The following KDM7A variants were observed in gnomAD, a reference collection of about 807,000 sequenced individuals.
KDM7A encodes the protein lysine demethylase 7A, also known as lysine-specific demethylase 7A.
KDM7A carries 28 observed loss-of-function variants against 114.8 expected under a neutral mutation model. That is an observed-to-expected ratio of 0.24 (90% CI 0.18 to 0.33). KDM7A has a LOEUF of 0.33. Ranked by LOEUF, KDM7A falls within the 10% of genes least tolerant of loss-of-function variation. The probability of loss-of-function intolerance (pLI) is 1.00; values close to 1 mark genes in which losing one functional copy is unlikely to be tolerated. For missense variants in KDM7A, 942 were observed against 1,142.5 expected (o/e 0.82, Z 2.53); for synonymous variants, 423 against 397.8 (o/e 1.06, Z -0.75).
chr7:140,121,595 G>C (rs1444031745), intron 7 of KDM7A, among the ~76,000 whole-genome samples: 1 of 152,178 alleles, frequency 6.6e-6, no homozygotes, highest in Non-Finnish European at 1.5e-5. Flanking sequence ...ACGTTTAGGG[G>C]CTTTTCTGAT....
At chr7:140,100,045 T>G (rs1024712909) in intron 12 of KDM7A, 22 bp from the exon 13 acceptor site, 4 of 1,613,520 alleles carry the variant, frequency 2.5e-6, no homozygotes, top group African/African-American at 2.7e-5. Context: ...AATGCAGAAC[T>G]TACTTACCAT....
chr7:140,144,714 C>T (rs914254251), intron 1 of KDM7A, among the ~76,000 whole-genome samples: 1 of 150,682 alleles, frequency 6.6e-6, no homozygotes, highest in Non-Finnish European at 1.5e-5. Flanking sequence ...CCACCATACA[C>T]ACACACACAC....
At chr7:140,140,120 T>C (rs759338978) in intron 1 of KDM7A, among the ~76,000 whole-genome samples, 1 of 152,142 alleles carries the variant, frequency 6.6e-6, no homozygotes, top group Non-Finnish European at 1.5e-5. Flanking sequence ...AAGGATTTGC[T>C]CCCTAACTCA....
chr7:140,111,223 T>C, intron 10 of KDM7A, 39 bp from the exon 11 acceptor site: 1 of 1,341,732 alleles, frequency 7.5e-7, no homozygotes, highest in African/African-American at 1.4e-5. Flanking sequence ...ACCAAAGTTA[T>C]TTACACTTTA....
chr7:140,139,754 T>C (rs1038302484), intron 1 of KDM7A, among the ~76,000 whole-genome samples: 4 of 152,150 alleles, frequency 2.6e-5, no homozygotes, highest in African/African-American at 7.2e-5. Flanking sequence ...TAATACAGCA[T>C]TGAAGACAAA....
At chr7:140,143,916 A>T (rs765951663) in intron 1 of KDM7A, among the ~76,000 whole-genome samples, 14 of 152,254 alleles carry the variant, frequency 9.2e-5, no homozygotes, top group Non-Finnish European at 2.1e-4. Context: ...GAATATGCTA[A>T]TTGTTTAAAA....
At chr7:140,140,196 T>A (rs1794249277) in intron 1 of KDM7A, among the ~76,000 whole-genome samples, 1 of 152,134 alleles carries the variant, frequency 6.6e-6, no homozygotes, top group South Asian at 2.1e-4. Context: ...CATTTATGAG[T>A]AAAGATGCAA....
intron 1 of KDM7A, among the ~76,000 whole-genome samples, chr7:140,148,141 T>G (rs536213731): frequency 6.6e-6 from 1 of 152,150 alleles, no homozygotes; most frequent in South Asian, 2.1e-4. Context: ...ACTAGGCTTT[T>G]ATGATTGGGC....
intron 1 of KDM7A, among the ~76,000 whole-genome samples, chr7:140,148,904 A>G (rs1562957975): frequency 6.6e-6 from 1 of 152,204 alleles, no homozygotes; most frequent in Non-Finnish European, 1.5e-5. Context: ...GACACATTAA[A>G]GCTGTTTAGT....
intron 1 of KDM7A, among the ~76,000 whole-genome samples, chr7:140,141,890 T>C (rs1175520747): frequency 1.3e-5 from 2 of 150,100 alleles, no homozygotes; most frequent in Non-Finnish European, 3.0e-5. Flanking sequence ...TGAGACTCTG[T>C]CTCAAAAAAA....
chr7:140,157,320 G>A (rs1228933930), intron 1 of KDM7A, among the ~76,000 whole-genome samples: 2 of 152,158 alleles, frequency 1.3e-5, no homozygotes, highest in African/African-American at 4.8e-5. Flanking sequence ...ACTATGGTAG[G>A]CTCAGCTACC....
chr7:140,140,473 C>G (rs997811203), intron 1 of KDM7A, among the ~76,000 whole-genome samples: 4 of 152,120 alleles, frequency 2.6e-5, no homozygotes, highest in Non-Finnish European at 4.4e-5. Context: ...AAACCAGTCA[C>G]TCTGAGATTA....
chr7:140,098,779 T>C, intron 14 of KDM7A, 100 bp downstream of exon 14: 8 of 1,029,430 alleles, frequency 7.8e-6, no homozygotes, highest in Non-Finnish European at 1.2e-5. Context: ...AAAAGTTTTC[T>C]GCTATTTTAA....
At chr7:140,125,974 A>C (rs1818695650) in intron 6 of KDM7A, among the ~76,000 whole-genome samples, 1 of 147,968 alleles carries the variant, frequency 6.8e-6, no homozygotes, top group Non-Finnish European at 1.5e-5. Context: ...GTGCAATCAC[A>C]GCACACTGTA....
Position 140,096,884 on chromosome 7 carries a change from T to TA in KDM7A, c.2165+14dup. On this transcript the variant is annotated intron_variant, in intron 16 of 19. Transcript: ENST00000397560. ...CTTACAATATAATAAGACTTACTACTATCAGCAAGCCTACCTTTTAATTGG... is the reference window on the plus strand; with the variant it reads ...CTTACAATATAATAAGACTTACTACTAATCAGCAAGCCTACCTTTTAATTGG... 2 of 1,612,240 alleles carry TA rather than the reference T, an allele frequency of 1.2e-6. No homozygotes were observed. Among genetic ancestry groups the TA allele is most frequent in the Non-Finnish European group, 1.7e-6 (2 of 1,178,808 alleles).
At chr7:140,118,934 C>A (rs1818575082) in intron 9 of KDM7A, among the ~76,000 whole-genome samples, 179 bp downstream of exon 9, 1 of 152,084 alleles carries the variant, frequency 6.6e-6, no homozygotes, top group Admixed American at 6.6e-5. Flanking sequence ...AGGTTATGGA[C>A]TAAAGACTCT....
intron 12 of KDM7A, 30 bp from the exon 13 acceptor site, chr7:140,100,053 C>CGGTA (rs763646147): frequency 6.2e-7 from 1 of 1,612,848 alleles, no homozygotes; most frequent in South Asian, 1.1e-5. Flanking sequence ...ACTTACTTAC[C>CGGTA]ATCCACCCTC....
chr7:140,114,640 T>C (rs539487258), intron 9 of KDM7A, among the ~76,000 whole-genome samples: 2 of 151,322 alleles, frequency 1.3e-5, no homozygotes, highest in South Asian at 4.2e-4. Context: ...TCATCTGGGA[T>C]GTGAGGAGCC....
rs544039958 is a variant in KDM7A at position 140,156,608 on chromosome 7, G to A, written c.195-17418C>T. 7.9e-5 allele frequency among the ~76,000 whole-genome samples: 12 copies of A among 152,268 alleles called. 1 individual carries two copies. In the East Asian group the frequency reaches 2.1e-3, roughly 27 times the overall value. Reference sequence around the variant, plus strand: ...ACTAAGTATAAGGGGCTTCAGAAAGGTCCCACCCAAAGGGAGAGAGGAAGC... The same window carrying A: ...ACTAAGTATAAGGGGCTTCAGAAAGATCCCACCCAAAGGGAGAGAGGAAGC... On this transcript the variant is annotated intron_variant, in intron 1 of 19. Transcript: ENST00000397560.
Sources: gnomAD v4.1 joint callset for allele counts (sites outside exome capture counted in the v4.1 genomes callset) on GRCh38, gnomAD v4.1.1 for gene constraint, MANE v1.5 for transcripts, NCBI Gene and HGNC (gene_info 2026-07-23, HGNC 2026-07-21) for gene names.